Variants in ATAT1 observed in about 807,000 individuals in gnomAD.
ATAT1 encodes the protein alpha tubulin acetyltransferase 1.
A neutral mutation model predicts 57.2 loss-of-function variants in ATAT1; 42 were observed. The observed-to-expected ratio is 0.73, with a 90% confidence interval of 0.57 to 0.95. The LOEUF (loss-of-function observed/expected upper bound fraction) is 0.95. Ranked by LOEUF, ATAT1 falls within the 40% of genes least tolerant of loss-of-function variation. The pLI is 0.00. For missense variants in ATAT1, 454 were observed against 523.7 expected (o/e 0.87, Z 1.30); for synonymous variants, 168 against 187.1 (o/e 0.90, Z 0.83).
Position 30,633,252 on chromosome 6 carries a change from T to C in ATAT1, c.501+4822T>C, listed in dbSNP as rs541232103. On this transcript the variant is annotated intron_variant, in intron 6 of 12. Transcript: ENST00000330083. ...AAATACTAGGAGTACATTTTTAATA[T>C]GTTAATTGGAGATGTCTGTGATATG... Among the ~76,000 whole-genome samples, 14 of 152,288 alleles carry C rather than the reference T, an allele frequency of 9.2e-5. No homozygotes were observed. In the South Asian group the frequency reaches 2.9e-3, roughly 32 times the overall value.
In ATAT1 at chr6:30,645,946, G is replaced by C. The variant is rs773967682; in HGVS notation, c.984G>C (p.Gly328=). 1 of 1,538,808 alleles carries C rather than the reference G, an allele frequency of 6.5e-7. No individual in the cohort carries two copies. Among genetic ancestry groups the C allele is most frequent in the Non-Finnish European group, 8.8e-7 (1 of 1,141,696 alleles). The change falls in exon 11 of 13, where the codon GGG becomes GGC. Residue 328 remains glycine (G), a synonymous_variant. Coordinates refer to ENST00000330083, the MANE Select transcript of ATAT1 (RefSeq NM_001031722.4). ...AAAGCTGCTGCTACAGCCGCCATGG[G>C]GGGGTGAATTCCTCATCCCCCAATA...
Position 30,642,833 on chromosome 6 carries a change from G to GGGCCCCCCCCCCCCCCCCC in ATAT1, c.754_755insGGCCCCCCCCCCCCCCCCC (p.Ala252GlyfsTer54). 6.5e-7 allele frequency: 1 copy of GGGCCCCCCCCCCCCCCCCC among 1,537,874 alleles called. No homozygotes were observed. Among genetic ancestry groups the GGGCCCCCCCCCCCCCCCCC allele is most frequent in the Non-Finnish European group, 8.7e-7 (1 of 1,145,782 alleles). On this transcript the variant is annotated frameshift_variant, in exon 10 of 13. Coordinates refer to ENST00000330083, the MANE Select transcript of ATAT1 (RefSeq NM_001031722.4). LOFTEE classifies it high-confidence loss of function. ...GGCCCCTCGCCGCGCCACACCTCCA[G>GGGCCCCCCCCCCCCCCCCC]CCCACCCACCCCCCCGCTCCAGCAG...
intron 6 of ATAT1, among the ~76,000 whole-genome samples, chr6:30,636,037 C>A (rs1039303438): frequency 6.6e-6 from 1 of 151,956 alleles, no homozygotes; most frequent in Non-Finnish European, 1.5e-5. Context: ...GAATGGGCGG[C>A]GGGGGCGTTG....
Position 30,627,469 on chromosome 6 carries a change from ACAG to A in ATAT1, c.87_89del (p.Gln30del). 3 of 1,613,408 alleles carry A rather than the reference ACAG, an allele frequency of 1.9e-6. No homozygotes were observed. The highest frequency in any genetic ancestry group is 2.5e-6 in the Non-Finnish European group (3 of 1,179,686). On this transcript the variant is annotated inframe_deletion, in exon 2 of 13. Coordinates refer to ENST00000330083, the MANE Select transcript of ATAT1 (RefSeq NM_001031722.4). The stretch of plus-strand genomic sequence containing the variant: ...TCTTCTCTTTCTCTAGTGTTGATCT[ACAG>A]CAGCAAATTATGACCATTATAGATG...
In ATAT1 at chr6:30,640,449, G is replaced by A. The variant is rs55742376; in HGVS notation, c.547+27G>A. 5.0e-6 allele frequency: 8 copies of A among 1,612,790 alleles called. No homozygotes were observed. In the African/African-American group the frequency reaches 5.3e-5, roughly 11 times the overall value. On this transcript the variant is annotated intron_variant, in intron 7 of 12. Transcript: ENST00000330083. ...TAAGTTTTTGCATTTTGTTGGTCACGTAGTCGGGGTGAGGGAAAGGAAAGA... is the reference window on the plus strand; with the variant it reads ...TAAGTTTTTGCATTTTGTTGGTCACATAGTCGGGGTGAGGGAAAGGAAAGA...
intron 6 of ATAT1, among the ~76,000 whole-genome samples, chr6:30,631,853 C>T (rs1222791824): frequency 2.6e-5 from 4 of 152,050 alleles, no homozygotes; most frequent in Non-Finnish European, 4.4e-5. Flanking sequence ...AAGGTACCAC[C>T]AGTGTATGGC....
intron 6 of ATAT1, 46 bp from the exon 7 acceptor site, chr6:30,640,331 A>G: frequency 2.5e-6 from 4 of 1,596,162 alleles, no homozygotes; most frequent in Non-Finnish European, 3.4e-6. Context: ...ATGTATCCCC[A>G]TCGTTAAGTG....
chr6:30,640,101 G>A (rs1765086604), intron 6 of ATAT1, among the ~76,000 whole-genome samples: 1 of 150,990 alleles, frequency 6.6e-6, no homozygotes, highest in African/African-American at 2.4e-5. Flanking sequence ...TGGCACCACT[G>A]CACTCCAGCC....
In ATAT1 at chr6:30,640,428, T is replaced by C; in HGVS notation, c.547+6T>C. ...CTTCTTTGCCCATCAACATCGTAAG[T>C]TTTTGCATTTTGTTGGTCACGTAGT... On this transcript the variant is annotated splice_donor_region_variant and intron_variant, in intron 7 of 12. Coordinates refer to ENST00000330083, the MANE Select transcript of ATAT1 (RefSeq NM_001031722.4). 2 of 1,612,982 alleles carry C rather than the reference T, an allele frequency of 1.2e-6. No individual in the cohort carries two copies. The highest frequency in any genetic ancestry group is 1.7e-6 in the Non-Finnish European group (2 of 1,180,026).
chr6:30,627,739 A>G lies in ATAT1; in HGVS notation c.224+12A>G, dbSNP rs372041767. On this transcript the variant is annotated intron_variant, in intron 3 of 12. Transcript: ENST00000330083. Reference sequence around the variant, plus strand: ...AGTTCAGCCCGACCGTGAGTGCCACATGCTCTTCCATCCCATACTTAATTC... The same window carrying G: ...AGTTCAGCCCGACCGTGAGTGCCACGTGCTCTTCCATCCCATACTTAATTC... The G allele has an allele frequency of 1.2e-6, 2 of 1,610,218 alleles. No individual in the cohort carries two copies. Among genetic ancestry groups the G allele is most frequent in the Non-Finnish European group, 1.7e-6 (2 of 1,177,572 alleles).
At chr6:30,640,277 G>A in intron 6 of ATAT1, 100 bp from the exon 7 acceptor site, 1 of 1,301,546 alleles carries the variant, frequency 7.7e-7, no homozygotes, top group South Asian at 1.2e-5. Flanking sequence ...AGTACACTCT[G>A]TGATGTTCAC....
At position 30,642,833 on chromosome 6, in the gene ATAT1, G is replaced by GGGGGGGCCGCCC; in HGVS notation, c.754_755insGGGGGGCCGCCC (p.Ala252delinsGlyGlyAlaAlaPro). On this transcript the variant is annotated protein_altering_variant, in exon 10 of 13. Coordinates refer to ENST00000330083, the MANE Select transcript of ATAT1 (RefSeq NM_001031722.4). ...GGCCCCTCGCCGCGCCACACCTCCA[G>GGGGGGGCCGCCC]CCCACCCACCCCCCCGCTCCAGCAG... The GGGGGGGCCGCCC allele has an allele frequency of 2.6e-6, 4 of 1,537,872 alleles. No homozygotes were observed. The highest frequency in any genetic ancestry group is 1.6e-5 in the African/African-American group (1 of 61,252).
At chr6:30,630,278 G>A (rs191435785) in intron 6 of ATAT1, among the ~76,000 whole-genome samples, 40 of 149,556 alleles carry the variant, frequency 2.7e-4, no homozygotes, top group Middle Eastern at 7.2e-3. Context: ...CCAAGATCGC[G>A]CCACTGCATT....
chr6:30,646,330 G>A lies in ATAT1; in HGVS notation c.1056-139G>A, dbSNP rs925277149. 3 of 1,445,596 alleles carry A rather than the reference G, an allele frequency of 2.1e-6. No homozygotes were observed. In the African/African-American group the frequency reaches 4.3e-5, roughly 21 times the overall value. The allele number at this position is 1,445,596 out of a possible 1,614,324, so 89.5% of individuals were successfully genotyped here. On this transcript the variant is annotated intron_variant, in intron 12 of 12. Transcript: ENST00000330083. ...GGATTCTCTGAGAGGTTTTAAATTT[G>A]GACATAGCACTAATGGTTCCAGCTT...
intron 10 of ATAT1, chr6:30,643,705 G>A: frequency 6.8e-7 from 1 of 1,460,882 alleles, no homozygotes; most frequent in Non-Finnish European, 9.1e-7. Flanking sequence ...TACTTTCTTA[G>A]ACAGCAGGGA....
intron 6 of ATAT1, among the ~76,000 whole-genome samples, chr6:30,639,699 G>T (rs1035475213): frequency 6.6e-6 from 1 of 151,774 alleles, no homozygotes. Flanking sequence ...GGATGGTCTC[G>T]ATCTCCTGAC....
intron 8 of ATAT1, 190 bp downstream of exon 8, chr6:30,640,793 C>T: frequency 1.6e-6 from 1 of 633,510 alleles, no homozygotes; most frequent in Non-Finnish European, 2.7e-6. Context: ...AGACTTTTAA[C>T]TAAGCAAGCT....
chr6:30,643,422 C>T lies in ATAT1; in HGVS notation c.932+411C>T, dbSNP rs1031889967. The stretch of plus-strand genomic sequence containing the variant: ...GCAGCAGGCAGGGAGTGGGCATTTC[C>T]TTTATTTCTCTCCCTTTCTCTTCAC... On this transcript the variant is annotated intron_variant, in intron 10 of 12. Coordinates refer to ENST00000330083, the MANE Select transcript of ATAT1 (RefSeq NM_001031722.4). 2.0e-6 allele frequency: 3 copies of T among 1,517,822 alleles called. No individual in the cohort carries two copies. The African/African-American group carries it at 4.1e-5, about 21-fold the overall frequency. The allele number at this position is 1,517,822 out of a possible 1,614,324, so 94.0% of individuals were successfully genotyped here.
At chr6:30,645,710 G>C (rs1333588177) in intron 10 of ATAT1, among the ~76,000 whole-genome samples, 185 bp from the exon 11 acceptor site, 1 of 152,174 alleles carries the variant, frequency 6.6e-6, no homozygotes, top group African/African-American at 2.4e-5. Context: ...AAAATCTTGG[G>C]TATAAAATGA....
Sources: allele counts gnomAD v4.1 joint callset (sites outside exome capture counted in the v4.1 genomes callset), GRCh38; gene constraint gnomAD v4.1.1; transcripts MANE v1.5; gene names NCBI Gene and HGNC (gene_info 2026-07-23, HGNC 2026-07-21).